The following THSD7A variants were observed in gnomAD, a reference collection of about 807,000 sequenced individuals.
THSD7A encodes thrombospondin type 1 domain containing 7A, also known as thrombospondin type-1 domain-containing protein 7A.
A neutral mutation model predicts 231.3 loss-of-function variants in THSD7A; 96 were observed. The observed-to-expected ratio is 0.41, with a 90% CI of 0.35 to 0.49. The LOEUF is 0.49. Among genes scored for constraint, THSD7A ranks in the 20% least tolerant of loss-of-function variants. The pLI is 0.05. For missense variants in THSD7A, 2,290 were observed against 2,070.2 expected, an observed-to-expected ratio of 1.11 and a Z score of -2.06; for synonymous variants, 940 against 743.3, an observed-to-expected ratio of 1.26 and a Z score of -4.30.
At chr7:11,585,168 C>G (rs968673864) in intron 4 of THSD7A, among the ~76,000 whole-genome samples, 14 of 152,150 alleles carry the variant, frequency 9.2e-5, no homozygotes, top group Admixed American at 7.2e-4. Context: ...AATAAAAACT[C>G]TTACATTACC....
intron 1 of THSD7A, among the ~76,000 whole-genome samples, chr7:11,664,776 T>G (rs1388920637): frequency 6.6e-6 from 1 of 151,962 alleles, no homozygotes; most frequent in African/African-American, 2.4e-5. Context: ...CTTAACACCA[T>G]TTACTGAGAC....
At chr7:11,653,448 A>ACG (rs764254140) in intron 1 of THSD7A, among the ~76,000 whole-genome samples, 80 of 127,132 alleles carry the variant, frequency 6.3e-4, no homozygotes, top group African/African-American at 2.2e-3. Context: ...ACTCCCAGAT[A>ACG]TGTGTGTGTG....
chr7:11,783,496 C>T (rs1268905130), intron 1 of THSD7A, among the ~76,000 whole-genome samples: 1 of 152,056 alleles, frequency 6.6e-6, no homozygotes, highest in Admixed American at 6.6e-5. Context: ...TTTGGTCATC[C>T]CATTAAGGAG....
chr7:11,760,493 C>T (rs974465816), intron 1 of THSD7A, among the ~76,000 whole-genome samples: 6 of 151,758 alleles, frequency 4.0e-5, no homozygotes, highest in South Asian at 4.1e-4. Context: ...ATTATGTGAA[C>T]GCAAAGTAAC....
At chr7:11,700,690 T>G (rs1780564148) in intron 1 of THSD7A, among the ~76,000 whole-genome samples, 2 of 151,252 alleles carry the variant, frequency 1.3e-5, no homozygotes, top group African/African-American at 4.8e-5. Flanking sequence ...TGTAACAATT[T>G]GTTTTGATCT....
intron 1 of THSD7A, among the ~76,000 whole-genome samples, chr7:11,675,045 T>C (rs1783580771): frequency 6.6e-6 from 1 of 152,098 alleles, no homozygotes; most frequent in Non-Finnish European, 1.5e-5. Flanking sequence ...GTGGGTGATT[T>C]CTGCATTTCC....
chr7:11,704,965 T>C (rs1292409350), intron 1 of THSD7A, among the ~76,000 whole-genome samples: 2 of 151,110 alleles, frequency 1.3e-5, no homozygotes, highest in African/African-American at 4.8e-5. Flanking sequence ...CCATGTTTAA[T>C]GGCTGCACCA....
chr7:11,674,573 A>T (rs1156633564), intron 1 of THSD7A, among the ~76,000 whole-genome samples: 1 of 152,200 alleles, frequency 6.6e-6, no homozygotes, highest in African/African-American at 2.4e-5. Flanking sequence ...TCTGCAACAA[A>T]GGAACCTGTA....
intron 23 of THSD7A, among the ~76,000 whole-genome samples, chr7:11,390,126 G>A (rs4029463): frequency 0.025 from 3,812 of 152,176 alleles, 145 homozygotes; most frequent in African/African-American, 0.083. Context: ...TCTTTGTGGT[G>A]TTCTCTGTAT....
chr7:11,467,981 T>G (rs930115197), intron 9 of THSD7A, among the ~76,000 whole-genome samples: 1 of 152,040 alleles, frequency 6.6e-6, no homozygotes, highest in African/African-American at 2.4e-5. Context: ...TATTTTCTGT[T>G]CTTTTTTAAA....
At chr7:11,459,681 T>C (rs1456944585) in intron 11 of THSD7A, among the ~76,000 whole-genome samples, 1 of 141,564 alleles carries the variant, frequency 7.1e-6, no homozygotes, top group Non-Finnish European at 1.5e-5. Flanking sequence ...TTTTTTTTTT[T>C]TTTTTTTTTT....
At chr7:11,709,155 G>GT (rs373923976) in intron 1 of THSD7A, among the ~76,000 whole-genome samples, 2,121 of 150,818 alleles carry the variant, frequency 0.014, 57 homozygotes, top group African/African-American at 0.049. Flanking sequence ...TTTCTTAACA[G>GT]TTTTTTCTGA....
intron 1 of THSD7A, among the ~76,000 whole-genome samples, chr7:11,740,156 C>T (rs754075894): frequency 1.1e-4 from 16 of 151,898 alleles, no homozygotes; most frequent in Non-Finnish European, 1.9e-4. Flanking sequence ...CGTCTCACTC[C>T]TCAGTGGCTT....
chr7:11,713,493 C>G (rs1781031620), intron 1 of THSD7A, among the ~76,000 whole-genome samples: 1 of 151,184 alleles, frequency 6.6e-6, no homozygotes, highest in African/African-American at 2.4e-5. Flanking sequence ...TCGTCTTGCC[C>G]TTTCAGCAGA....
chr7:11,458,155 C>G (rs6954420), intron 11 of THSD7A, among the ~76,000 whole-genome samples: 43,305 of 151,844 alleles, frequency 0.29, 7,108 homozygotes, highest in Middle Eastern at 0.43. Flanking sequence ...TTAATGTTTA[C>G]TATATAATTA....
At chr7:11,511,604 G>T (rs1247083833) in intron 6 of THSD7A, among the ~76,000 whole-genome samples, 1 of 152,098 alleles carries the variant, frequency 6.6e-6, no homozygotes, top group Non-Finnish European at 1.5e-5. Context: ...CAATGGAACA[G>T]AACAGAGCCC....
At chr7:11,541,857 G>A (rs1237262871) in intron 5 of THSD7A, among the ~76,000 whole-genome samples, 1 of 152,126 alleles carries the variant, frequency 6.6e-6, no homozygotes, top group African/African-American at 2.4e-5. Context: ...AGAACCTTTG[G>A]TTTTAGCTTA....
intron 2 of THSD7A, among the ~76,000 whole-genome samples, chr7:11,608,756 A>G (rs1200257343): frequency 6.6e-6 from 1 of 152,134 alleles, no homozygotes; most frequent in Non-Finnish European, 1.5e-5. Context: ...TTAGATGAAC[A>G]TCCACAACCA....
At chr7:11,759,160 A>T (rs1000754534) in intron 1 of THSD7A, among the ~76,000 whole-genome samples, 2 of 152,072 alleles carry the variant, frequency 1.3e-5, no homozygotes, top group African/African-American at 4.8e-5. Context: ...AAAGTCAGTA[A>T]AAAAAACACA....
Sources: gnomAD v4.1 joint callset for allele counts (sites outside exome capture counted in the v4.1 genomes callset) on GRCh38, gnomAD v4.1.1 for gene constraint, MANE v1.5 for transcripts, NCBI Gene and HGNC (gene_info 2026-07-23, HGNC 2026-07-21) for gene names.